KLHL2: variants seen among roughly 807,000 people sequenced by gnomAD.
KLHL2 encodes the protein kelch like family member 2.
KLHL2 carries 15 observed loss-of-function variants against 75.8 expected under a neutral mutation model. The observed-to-expected ratio is 0.20, with a 90% CI of 0.13 to 0.30. The LOEUF (loss-of-function observed/expected upper bound fraction) is 0.30. Ranked by LOEUF, KLHL2 falls within the 10% of genes least tolerant of loss-of-function variation. KLHL2 has a pLI of 1.00. For missense variants in KLHL2, 381 were observed against 741.0 expected (o/e 0.51, Z 5.64); for synonymous variants, 214 against 251.9 (o/e 0.85, Z 1.42).
At chr4:165,318,664 A>AT (rs927700448) in intron 14 of KLHL2, among the ~76,000 whole-genome samples, 2 of 152,026 alleles carry the variant, frequency 1.3e-5, no homozygotes, top group African/African-American at 4.8e-5. Flanking sequence ...TATTAGATGA[A>AT]TTTTTAAAAC....
chr4:165,284,831 G>T lies in KLHL2; in HGVS notation c.545-9528G>T, dbSNP rs139414791. 8.0e-3 allele frequency among the ~76,000 whole-genome samples: 1,211 copies of T among 152,282 alleles called. 18 individuals are homozygous for T. The highest frequency in any genetic ancestry group is 0.027 in the African/African-American group (1,133 of 41,540). ...TTGGACTTAACAGTTCCACATGGCT[G>T]GGGAGGCCTCACAATCATGGTGGAA... On this transcript the variant is annotated intron_variant, in intron 5 of 14. Transcript: ENST00000226725.
intron 13 of KLHL2, 27 bp downstream of exon 13, chr4:165,314,193 C>T: frequency 6.3e-7 from 1 of 1,589,518 alleles, no homozygotes; most frequent in Non-Finnish European, 8.6e-7. Context: ...GGTTATAAAA[C>T]TTATGTTGAA....
At chr4:165,280,815 G>C (rs1743609460) in intron 5 of KLHL2, among the ~76,000 whole-genome samples, 1 of 152,120 alleles carries the variant, frequency 6.6e-6, no homozygotes, top group Non-Finnish European at 1.5e-5. Flanking sequence ...ACTGTTTTCA[G>C]GTTTCATTAA....
At chr4:165,213,418 C>G (rs1737333545) in intron 1 of KLHL2, among the ~76,000 whole-genome samples, 1 of 152,218 alleles carries the variant, frequency 6.6e-6, no homozygotes, top group South Asian at 2.1e-4. Context: ...AAAACTCTCC[C>G]TTGTCCACAA....
chr4:165,252,796 G>C (rs1220323097), intron 4 of KLHL2: 3 of 152,140 alleles, frequency 2.0e-5, no homozygotes, highest in Non-Finnish European at 4.4e-5. Context: ...GATTCTATCA[G>C]GTAGGATTAT....
intron 1 of KLHL2, among the ~76,000 whole-genome samples, chr4:165,217,272 A>G (rs1171268152): frequency 1.3e-5 from 2 of 152,232 alleles, no homozygotes; most frequent in South Asian, 2.1e-4. Context: ...TGGGTTGCAT[A>G]TATCTACGCA....
At chr4:165,247,344 C>G (rs1740341621) in intron 4 of KLHL2, among the ~76,000 whole-genome samples, 4 of 152,092 alleles carry the variant, frequency 2.6e-5, no homozygotes, top group Admixed American at 2.6e-4. Flanking sequence ...ACCGAAAGTT[C>G]TTTTAATGCC....
At chr4:165,250,072 C>T (rs938876441) in intron 4 of KLHL2, among the ~76,000 whole-genome samples, 6 of 151,414 alleles carry the variant, frequency 4.0e-5, no homozygotes, top group East Asian at 1.9e-4. Flanking sequence ...TGCAGTAAGC[C>T]GAGATCACCC....
intron 2 of KLHL2, among the ~76,000 whole-genome samples, chr4:165,226,314 G>T (rs1000327771): frequency 2.0e-5 from 3 of 152,114 alleles, no homozygotes; most frequent in African/African-American, 7.2e-5. Context: ...TCCGCATTCT[G>T]CTTTGCTGCT....
intron 9 of KLHL2, among the ~76,000 whole-genome samples, chr4:165,306,487 A>T (rs1437276118): frequency 6.6e-6 from 1 of 152,216 alleles, no homozygotes; most frequent in Non-Finnish European, 1.5e-5. Flanking sequence ...TACATATGCT[A>T]ATATATTTTG....
At chr4:165,239,650 A>G (rs963156335) in intron 4 of KLHL2, among the ~76,000 whole-genome samples, 1 of 152,186 alleles carries the variant, frequency 6.6e-6, no homozygotes, top group Non-Finnish European at 1.5e-5. Flanking sequence ...TATTTTCTAT[A>G]AAGAACAAAT....
At chr4:165,302,754 T>C (rs912225014) in intron 8 of KLHL2, among the ~76,000 whole-genome samples, 6 of 152,190 alleles carry the variant, frequency 3.9e-5, no homozygotes, top group Non-Finnish European at 8.8e-5. Context: ...AGAATCTTGA[T>C]TTTTCAGGAG....
chr4:165,278,243 C>T (rs1286981302), intron 5 of KLHL2: 15 of 1,123,966 alleles, frequency 1.3e-5, no homozygotes, highest in Non-Finnish European at 2.0e-5. Context: ...TACGTCGACT[C>T]CTTCTGCAGC....
Position 165,267,930 on chromosome 4 carries a change from C to T in KLHL2, c.544+4571C>T, listed in dbSNP as rs556471663. On this transcript the variant is annotated intron_variant, in intron 5 of 14. Transcript: ENST00000226725. Reference sequence around the variant, plus strand: ...CCTCTGTTAGAATTTGGCTGTGAATCCATCTGGTCCTGGACTTTTTTTGGT... The same window carrying T: ...CCTCTGTTAGAATTTGGCTGTGAATTCATCTGGTCCTGGACTTTTTTTGGT... 6.6e-5 allele frequency among the ~76,000 whole-genome samples: 10 copies of T among 152,280 alleles called. No individual in the cohort carries two copies. The East Asian group carries it at 1.9e-3, about 29-fold the overall frequency.
chr4:165,239,560 CCCAGCCT>C lies in KLHL2; in HGVS notation c.381+662_381+668del, dbSNP rs1187558393. Among the ~76,000 whole-genome samples, 3 of 152,258 alleles carry C rather than the reference CCCAGCCT, an allele frequency of 2.0e-5. No individual in the cohort carries two copies. In the South Asian group the frequency reaches 6.2e-4, roughly 32 times the overall value. ...GATTATAGGTGTGAACCACCATATG[CCCAGCCT>C]ATTCTTTGTTTTACTATTTGAGCAT... On this transcript the variant is annotated intron_variant, in intron 4 of 14. Transcript: ENST00000226725.
At chr4:165,314,510 T>C (rs1372369063) in intron 13 of KLHL2, among the ~76,000 whole-genome samples, 1 of 152,188 alleles carries the variant, frequency 6.6e-6, no homozygotes, top group African/African-American at 2.4e-5. Flanking sequence ...TATAATTTAG[T>C]GCCTACTATG....
rs762677701 is a variant in KLHL2 at position 165,314,012 on chromosome 4, G to T, written c.1469-14G>T. 28 of 1,605,512 alleles carry T rather than the reference G, an allele frequency of 1.7e-5. No individual in the cohort carries two copies. Among genetic ancestry groups the T allele is most frequent in the Non-Finnish European group, 2.2e-5 (26 of 1,176,456 alleles). Reference sequence around the variant, plus strand: ...TTCTTTTTGCCCCTCTATTTGGCTGGTTGTGTTTTATAGGTGTTGGTGTGT... The same window carrying T: ...TTCTTTTTGCCCCTCTATTTGGCTGTTTGTGTTTTATAGGTGTTGGTGTGT... On this transcript the variant is annotated splice_polypyrimidine_tract_variant and intron_variant, in intron 12 of 14. Coordinates refer to ENST00000226725, the MANE Select transcript of KLHL2 (RefSeq NM_007246.4).
At chr4:165,214,893 GTT>G (rs72078166) in intron 1 of KLHL2, among the ~76,000 whole-genome samples, 68 of 148,220 alleles carry the variant, frequency 4.6e-4, no homozygotes, top group African/African-American at 1.4e-3. Flanking sequence ...AAGATCAGAA[GTT>G]TTTTTTTTTT....
At chr4:165,225,429 G>A (rs1738355994) in intron 2 of KLHL2, among the ~76,000 whole-genome samples, 1 of 152,162 alleles carries the variant, frequency 6.6e-6, no homozygotes, top group Non-Finnish European at 1.5e-5. Flanking sequence ...ATAAGTGAAT[G>A]AATACATGCA....
Sources: allele counts gnomAD v4.1 joint callset (sites outside exome capture counted in the v4.1 genomes callset), GRCh38; gene constraint gnomAD v4.1.1; transcripts MANE v1.5; gene names NCBI Gene and HGNC (gene_info 2026-07-23, HGNC 2026-07-21).